The following RBFOX2 variants were observed in gnomAD, a reference collection of about 807,000 sequenced individuals.
The protein encoded by RBFOX2 is RNA binding fox-1 homolog 2, also known as RNA binding protein fox-1 homolog 2.
A neutral mutation model predicts 49.1 loss-of-function variants in RBFOX2; 10 were observed. The observed-to-expected ratio is 0.20, with a 90% CI of 0.13 to 0.35. RBFOX2 has a LOEUF of 0.35. Ranked by LOEUF, RBFOX2 falls within the 10% of genes least tolerant of loss-of-function variation. The pLI is 1.00. For synonymous variants in RBFOX2, 183 were observed against 187.4 expected, an observed-to-expected ratio of 0.98 and a Z score of 0.19; for missense variants, 323 against 486.9, an observed-to-expected ratio of 0.66 and a Z score of 3.17.
chr22:35,824,390 G>T (rs1955193618), intron 1 of RBFOX2: 1 of 152,196 alleles, frequency 6.6e-6, no homozygotes, highest in South Asian at 2.1e-4. Flanking sequence ...TCAGAATGCA[G>T]TCTAAAGAGG....
chr22:35,860,179 T>G (rs537177201), intron 1 of RBFOX2, among the ~76,000 whole-genome samples: 1 of 152,318 alleles, frequency 6.6e-6, no homozygotes, highest in African/African-American at 2.4e-5. Context: ...ACATTGGTCT[T>G]GGGGATATTA....
intron 1 of RBFOX2, among the ~76,000 whole-genome samples, chr22:36,027,066 TCTCTGGACTTC>T (rs143498812): frequency 0.19 from 29,029 of 152,046 alleles, 7,079 homozygotes; most frequent in African/African-American, 0.58. Flanking sequence ...GTCACCATCT[TCTCTGGACTTC>T]TGATTCCCCA....
At chr22:35,783,070 C>T (rs1945545358) in intron 2 of RBFOX2, among the ~76,000 whole-genome samples, 1 of 152,160 alleles carries the variant, frequency 6.6e-6, no homozygotes, top group East Asian at 1.9e-4. Context: ...TTACAACCCA[C>T]TAAGAGGTCA....
At chr22:35,787,310 T>C (rs1028329158) in intron 2 of RBFOX2, among the ~76,000 whole-genome samples, 2 of 152,142 alleles carry the variant, frequency 1.3e-5, no homozygotes, top group Non-Finnish European at 2.9e-5. Context: ...AGTGCTAGAA[T>C]TATAGGCATG....
intron 1 of RBFOX2, among the ~76,000 whole-genome samples, chr22:35,960,015 T>C (rs2056023839): frequency 1.3e-5 from 2 of 152,242 alleles, no homozygotes; most frequent in African/African-American, 2.4e-5. Flanking sequence ...TATTGTTGCA[T>C]TGTTATTTTT....
intron 9 of RBFOX2, among the ~76,000 whole-genome samples, chr22:35,753,864 C>A (rs1206223267): frequency 2.1e-5 from 3 of 143,846 alleles, no homozygotes; most frequent in Non-Finnish European, 3.0e-5. Context: ...CTCACTGCAA[C>A]CTCTGCCTCC....
At chr22:35,903,448 T>C (rs911623913) in intron 1 of RBFOX2, among the ~76,000 whole-genome samples, 1 of 152,166 alleles carries the variant, frequency 6.6e-6, no homozygotes, top group African/African-American at 2.4e-5. Context: ...CAAGTGTTCC[T>C]TGGGGTTCAA....
At chr22:35,944,128 G>C (rs1248460261) in intron 1 of RBFOX2, among the ~76,000 whole-genome samples, 3 of 152,192 alleles carry the variant, frequency 2.0e-5, no homozygotes, top group African/African-American at 7.2e-5. Flanking sequence ...TGGTATTCTT[G>C]CCCTTGAGGA....
chr22:35,808,275 T>C (rs549109043), intron 2 of RBFOX2, among the ~76,000 whole-genome samples: 1 of 140,964 alleles, frequency 7.1e-6, no homozygotes, highest in South Asian at 2.1e-4. Context: ...CTATCAAGCC[T>C]AGACTCTTAA....
At chr22:36,013,777 T>C (rs952637378) in intron 1 of RBFOX2, among the ~76,000 whole-genome samples, 1 of 152,082 alleles carries the variant, frequency 6.6e-6, no homozygotes, top group Non-Finnish European at 1.5e-5. Context: ...TATGCTAATA[T>C]TTGTGTCAAA....
At chr22:35,828,123 T>C (rs1471986688) in intron 1 of RBFOX2, among the ~76,000 whole-genome samples, 1 of 146,282 alleles carries the variant, frequency 6.8e-6, no homozygotes, top group African/African-American at 2.6e-5. Flanking sequence ...ATTCTGCCAC[T>C]GCACTCCAGC....
At chr22:35,776,732 T>C (rs1249300694) in intron 4 of RBFOX2, among the ~76,000 whole-genome samples, 1 of 152,192 alleles carries the variant, frequency 6.6e-6, no homozygotes, top group Middle Eastern at 3.2e-3. Flanking sequence ...AACTAAAAAA[T>C]TGCTCTAACC....
intron 8 of RBFOX2, 104 bp from the exon 10 acceptor site, chr22:35,760,124 C>A (rs1004758570): frequency 6.9e-7 from 1 of 1,449,366 alleles, no homozygotes; most frequent in East Asian, 2.3e-5. Context: ...TGGAAAGATA[C>A]GAACCACACC....
At chr22:35,996,045 G>C (rs1198786390) in intron 1 of RBFOX2, 1 of 152,184 alleles carries the variant, frequency 6.6e-6, no homozygotes. Context: ...GAGGGAAGGA[G>C]GAAAAAGAGG....
At chr22:35,786,879 C>T (rs1309473487) in intron 2 of RBFOX2, among the ~76,000 whole-genome samples, 1 of 152,088 alleles carries the variant, frequency 6.6e-6, no homozygotes, top group Admixed American at 6.5e-5. Flanking sequence ...TAGCACTGTA[C>T]CCATCCTCTC....
chr22:35,800,282 T>C (rs1246250222), intron 2 of RBFOX2, among the ~76,000 whole-genome samples: 2 of 152,204 alleles, frequency 1.3e-5, no homozygotes, highest in East Asian at 1.9e-4. Flanking sequence ...ATCGTCTGCC[T>C]GCTCCTCTAT....
chr22:35,939,261 G>A (rs5756005), upstream of RBFOX2: 78,425 of 483,860 alleles, frequency 0.16, 9,898 homozygotes, highest in African/African-American at 0.5. Flanking sequence ...ACACTAAGCC[G>A]TTAGCACCCC....
chr22:35,965,500 T>C (rs1248554052), upstream of RBFOX2, among the ~76,000 whole-genome samples: 8 of 152,182 alleles, frequency 5.3e-5, no homozygotes, highest in Non-Finnish European at 1.0e-4. Context: ...AAAATGAAGC[T>C]GTTAGTGGCT....
intron 2 of RBFOX2, among the ~76,000 whole-genome samples, chr22:35,800,779 GA>G (rs1173575385): frequency 2.0e-5 from 3 of 151,698 alleles, no homozygotes; most frequent in Non-Finnish European, 4.4e-5. Flanking sequence ...ATGCAAAGAT[GA>G]AAAATGACTT....
Sources: allele counts gnomAD v4.1 joint callset (sites outside exome capture counted in the v4.1 genomes callset), GRCh38; gene constraint gnomAD v4.1.1; transcripts MANE v1.5; gene names NCBI Gene and HGNC (gene_info 2026-07-23, HGNC 2026-07-21).